Variants in PCSK4 observed in about 807,000 individuals in gnomAD.
PCSK4 encodes testicular tissue protein Li 135.
Under a neutral mutation model 80.3 loss-of-function variants are expected in PCSK4, and 64 were observed. The observed-to-expected ratio is 0.80, with a 90% CI of 0.65 to 0.98. The LOEUF is 0.98. Among genes scored for constraint, PCSK4 ranks in the 50% least tolerant of loss-of-function variants. PCSK4 has a pLI of 0.00. For missense variants in PCSK4, 1,213 were observed against 1,093.6 expected, an observed-to-expected ratio of 1.11 and a Z score of -1.54; for synonymous variants, 561 against 487.6, an observed-to-expected ratio of 1.15 and a Z score of -1.98.
In PCSK4 at chr19:1,486,935, C is replaced by CCG. The variant is rs1222751430; in HGVS notation, c.985_986insCG (p.Gly329AlafsTer55). The CCG allele has an allele frequency of 6.2e-7, 1 of 1,606,122 alleles. No homozygotes were observed. The highest frequency in any genetic ancestry group is 1.7e-5 in the Admixed American group (1 of 60,016). On this transcript the variant is annotated frameshift_variant, in exon 8 of 15. Coordinates refer to ENST00000300954, the Ensembl canonical transcript of PCSK4. LOFTEE classifies it high-confidence loss of function. ...GGCTTCGCTGTACCAGGGCACGCGG[C>CCG]CCTGCTGGGTGGTGCTGCCCACGGA...
exon 15 of PCSK4, chr19:1,482,167 C>G: frequency 6.4e-7 from 1 of 1,558,304 alleles, no homozygotes. Flanking sequence ...GGCAGTAGGC[C>G]AGGCAGAGCT....
intron 8 of PCSK4, among the ~76,000 whole-genome samples, chr19:1,484,639 G>T (rs1450694565): frequency 6.6e-6 from 1 of 151,454 alleles, no homozygotes; most frequent in African/African-American, 2.4e-5. Flanking sequence ...TCAACACCTT[G>T]TCTCTACTAA....
At chr19:1,489,130 C>CTTTT (rs996269474) in intron 2 of PCSK4, among the ~76,000 whole-genome samples, 3 of 128,840 alleles carry the variant, frequency 2.3e-5, no homozygotes, top group African/African-American at 6.1e-5. Context: ...AAGCCTCCTA[C>CTTTT]TTTTTTTTTT....
intron 13 of PCSK4, 190 bp from the exon 14 acceptor site, chr19:1,482,665 A>C: frequency 1.3e-6 from 1 of 794,248 alleles, no homozygotes; most frequent in South Asian, 1.8e-5. Flanking sequence ...CTGCACACCT[A>C]CTGTGCGCCT....
chr19:1,488,454 C>T (rs1240911749), intron 2 of PCSK4, among the ~76,000 whole-genome samples, 174 bp from the exon 3 acceptor site: 3 of 152,168 alleles, frequency 2.0e-5, no homozygotes, highest in Admixed American at 6.5e-5. Context: ...GGCTTTTGGA[C>T]CACCTGTCCT....
chr19:1,489,427 C>A (rs1225811529), intron 2 of PCSK4, among the ~76,000 whole-genome samples: 2 of 152,228 alleles, frequency 1.3e-5, no homozygotes, highest in African/African-American at 4.8e-5. Flanking sequence ...AGCCACCGCG[C>A]CGGGCCAAGC....
Position 1,483,942 on chromosome 19 carries a change from CT to C in PCSK4, c.1170-2del. On this transcript the variant is annotated splice_acceptor_variant, in intron 9 of 14. Transcript: ENST00000300954. LOFTEE classifies it high-confidence loss of function. Reference sequence around the variant, plus strand: ...CATGTCTCTCCACGTCAGGAACGGGCTGCGGGGGGCGGGGGCGGGGGCGGGT... The same window carrying C: ...CATGTCTCTCCACGTCAGGAACGGGCGCGGGGGGCGGGGGCGGGGGCGGGT... The C allele has an allele frequency of 1.4e-6, 2 of 1,389,704 alleles. No homozygotes were observed. The highest frequency in any genetic ancestry group is 2.8e-5 in the South Asian group (2 of 72,254). The allele number at this position is 1,389,704 out of a possible 1,614,324, so 86.1% of individuals were successfully genotyped here. A position where few individuals can be genotyped will look rare whatever the true frequency, so the allele number is the denominator to read the frequency against.
chr19:1,490,117 C>T lies in PCSK4; in HGVS notation c.189+41G>A, dbSNP rs756430941. 3.7e-6 allele frequency: 6 copies of T among 1,609,224 alleles called. No individual in the cohort carries two copies. In the African/African-American group the frequency reaches 4.0e-5, roughly 11 times the overall value. ...GTCGGGGTCTAGGGTTGTTCAGTCC[C>T]CTCCAAGCCCCCACTTCCCGTCTAT... is the stretch of plus-strand genomic sequence containing the variant. On this transcript the variant is annotated intron_variant, in intron 1 of 14. Transcript: ENST00000300954.
At position 1,489,911 on chromosome 19, in the gene PCSK4, G is replaced by A. The variant is rs771528800; in HGVS notation, c.190-14C>T. The A allele has an allele frequency of 2.5e-6, 4 of 1,594,566 alleles. No individual in the cohort carries two copies. Among genetic ancestry groups the A allele is most frequent in the East Asian group, 4.6e-5 (2 of 43,640 alleles). On this transcript the variant is annotated splice_polypyrimidine_tract_variant and intron_variant, in intron 1 of 14. Coordinates refer to ENST00000300954, the Ensembl canonical transcript of PCSK4. ...GTCAGGGAAGATCTGGGGATGTGGG[G>A]AAGCGGCCGCACCGATGGGACCCGG...
chr19:1,488,235 A>C (rs746105815), exon 3 of PCSK4: 2 of 1,612,740 alleles, frequency 1.2e-6, no homozygotes, highest in Non-Finnish European at 1.7e-6. Flanking sequence ...ACCACGACAG[A>C]GCGTTTCACC....
At chr19:1,483,815 GC>G in intron 10 of PCSK4, 22 bp downstream of exon 10, 1 of 1,487,226 alleles carries the variant, frequency 6.7e-7, no homozygotes, top group East Asian at 2.6e-5. Context: ...CCGGGTCCCC[GC>G]CCCCGCCCGG....
At chr19:1,489,311 T>G (rs1008930356) in intron 2 of PCSK4, among the ~76,000 whole-genome samples, 3 of 152,104 alleles carry the variant, frequency 2.0e-5, no homozygotes, top group African/African-American at 7.2e-5. Context: ...TTTTTGTATT[T>G]TCAGTAGAGA....
chr19:1,490,747 T>C (rs2084903325), upstream of PCSK4: 1 of 208,158 alleles, frequency 4.8e-6, no homozygotes, highest in Non-Finnish European at 9.5e-6. Context: ...TCCCGCCTCC[T>C]CCGATAAGCC....
exon 15 of PCSK4, chr19:1,482,067 C>T (rs1310038410): frequency 6.4e-7 from 1 of 1,555,048 alleles, no homozygotes; most frequent in South Asian, 1.2e-5. Flanking sequence ...TAGCAGGAGG[C>T]ATGGCAGCTG....
Position 1,487,614 on chromosome 19 carries a change from G to A in PCSK4, c.671C>T (p.Ala224Val), listed in dbSNP as rs773970377. 2.1e-5 allele frequency: 32 copies of A among 1,551,466 alleles called. No homozygotes were observed. In the Middle Eastern group the frequency reaches 1.0e-3, roughly 48 times the overall value. The stretch of plus-strand genomic sequence containing the variant: ...GGGACCCCGGGTACCTCCGATTCGG[G>A]CGTTGAAAGCGACCCCCACACCACA... Residue 224 changes from alanine (A) to valine (V), a missense_variant, in exon 6 of 15, where the codon GCC (alanine) becomes GTC (valine). Ala to Val is a moderately conservative substitution (Grantham distance 64). Transcript: ENST00000300954.
rs983815912 is a variant in PCSK4, at chr19:1,487,557, C to T, written c.682+46G>A. The T allele has an allele frequency of 1.1e-5, 17 of 1,479,202 alleles. 1 individual carries two copies. In the South Asian group the frequency reaches 2.1e-4, roughly 18 times the overall value. 91.6% of individuals were successfully genotyped at this position (1,479,202 alleles called of 1,614,324 possible). A position where few individuals can be genotyped will look rare whatever the true frequency, so the allele number is the denominator to read the frequency against. Reference sequence around the variant, plus strand: ...CCCAGCTCCCCGCCAGAGTCACCCCCTTCCCTCTCTGTCCCGGAATGGTGC... The same window carrying T: ...CCCAGCTCCCCGCCAGAGTCACCCCTTTCCCTCTCTGTCCCGGAATGGTGC... On this transcript the variant is annotated intron_variant, in intron 6 of 14. Coordinates refer to ENST00000300954, the Ensembl canonical transcript of PCSK4.
chr19:1,481,489 G>C, exon 15 of PCSK4: 1 of 380,658 alleles, frequency 2.6e-6, no homozygotes, highest in Non-Finnish European at 4.7e-6. Flanking sequence ...GAGGCGGACA[G>C]TGTCACGTTT....
intron 11 of PCSK4, 37 bp downstream of exon 11, chr19:1,483,613 C>G: frequency 2.6e-6 from 4 of 1,517,492 alleles, no homozygotes; most frequent in Non-Finnish European, 3.6e-6. Flanking sequence ...CCCCACACCC[C>G]CAGCGGGGAT....
At chr19:1,487,017 CGCCGTT>C (rs1568216970) in exon 8 of PCSK4, 1 of 1,608,586 alleles carries the variant, frequency 6.2e-7, no homozygotes, top group East Asian at 2.2e-5. Context: ...TAGTGCAGGC[CGCCGTT>C]GCCCGAGGCC....
Sources: allele counts gnomAD v4.1 joint callset (sites outside exome capture counted in the v4.1 genomes callset), GRCh38; gene constraint gnomAD v4.1.1; transcripts MANE v1.5; gene names NCBI Gene and HGNC (gene_info 2026-07-23, HGNC 2026-07-21).